Variants in CDH4 observed in about 807,000 individuals in gnomAD.
The protein encoded by CDH4 is cadherin-4.
A neutral mutation model predicts 86.0 loss-of-function variants in CDH4; 33 were observed. The ratio of observed to expected loss-of-function variants is 0.38; its 90% CI spans 0.29 to 0.51. The LOEUF is 0.51. CDH4 is among the 20% of genes least tolerant of loss of function. The pLI, the probability that CDH4 is intolerant of heterozygous loss-of-function variation, is 0.86. For synonymous variants in CDH4, 555 were observed against 549.4 expected, an observed-to-expected ratio of 1.01 and a Z score of -0.14; for missense variants, 1,114 against 1,307.4, an observed-to-expected ratio of 0.85 and a Z score of 2.28.
In CDH4 at chr20:61,447,472, C is replaced by T. The variant is rs73318362; in HGVS notation, c.169+192535C>T. Among the ~76,000 whole-genome samples, 444 of 152,048 alleles carry T rather than the reference C, an allele frequency of 2.9e-3. 4 individuals carry two copies. The highest frequency in any genetic ancestry group is 1.0e-2 in the African/African-American group (413 of 41,472). On this transcript the variant is annotated intron_variant, in intron 2 of 15. Coordinates refer to ENST00000614565, the MANE Select transcript of CDH4 (RefSeq NM_001794.5). ...TACAGGCATGAGCCAGTGTGCCCGA[C>T]CTATTCATGGTGTTTTCGATATAAA...
At position 61,750,167 on chromosome 20, in the gene CDH4, G is replaced by A. The variant is rs139816942; in HGVS notation, c.396+6378G>A. ...AAGAAAGAAATTGTTAAAACAGGAG[G>A]AGAAAACAATGAAACAGAAAACAAT... On this transcript the variant is annotated intron_variant, in intron 3 of 15. Transcript: ENST00000614565. Among the ~76,000 whole-genome samples, 370 of 152,244 alleles carry A rather than the reference G, an allele frequency of 2.4e-3. 1 individual carries two copies. Among genetic ancestry groups the A allele is most frequent in the Admixed American group, 4.6e-3 (71 of 15,282 alleles).
chr20:61,803,774 A>G (rs1979967169), intron 4 of CDH4, among the ~76,000 whole-genome samples: 1 of 152,248 alleles, frequency 6.6e-6, no homozygotes, highest in Non-Finnish European at 1.5e-5. Flanking sequence ...TGTCAGTGAA[A>G]GTCATTTGTA....
At chr20:61,753,400 G>T (rs144385000) in intron 3 of CDH4, among the ~76,000 whole-genome samples, 2 of 152,086 alleles carry the variant, frequency 1.3e-5, no homozygotes, top group Non-Finnish European at 2.9e-5. Context: ...TTCTTTTGTC[G>T]CCCTCTCTTA....
At chr20:61,314,178 T>C (rs1042752982) in intron 2 of CDH4, among the ~76,000 whole-genome samples, 2 of 152,210 alleles carry the variant, frequency 1.3e-5, no homozygotes, top group Non-Finnish European at 2.9e-5. Context: ...AACCATACAG[T>C]GTTGCTACCC....
chr20:61,755,876 A>G (rs1568797691), intron 3 of CDH4, among the ~76,000 whole-genome samples: 1 of 152,140 alleles, frequency 6.6e-6, no homozygotes. Context: ...GCACACTCAC[A>G]CTGATACCAA....
rs1983818691 is a variant in CDH4 at position 61,871,910 on chromosome 20, G to A, written c.878-1818G>A. On this transcript the variant is annotated intron_variant, in intron 6 of 15. Transcript: ENST00000614565. ...ATTTTGCATTCAGTAGAAGCTGAAAGCTGAAGCAAACTCCTAGTCAGACAC... is the reference window on the plus strand; with the variant it reads ...ATTTTGCATTCAGTAGAAGCTGAAAACTGAAGCAAACTCCTAGTCAGACAC... 3.3e-5 allele frequency among the ~76,000 whole-genome samples: 5 copies of A among 152,230 alleles called. 1 individual carries two copies. In the South Asian group the frequency reaches 1.0e-3, roughly 31 times the overall value.
At chr20:61,273,945 A>C (rs970695817) in intron 2 of CDH4, among the ~76,000 whole-genome samples, 1 of 142,554 alleles carries the variant, frequency 7.0e-6, no homozygotes, top group African/African-American at 2.7e-5. Flanking sequence ...TATTGTGTGC[A>C]GTTTGGGGGA....
At chr20:61,286,438 G>A (rs764301778) in intron 2 of CDH4, among the ~76,000 whole-genome samples, 1 of 152,236 alleles carries the variant, frequency 6.6e-6, no homozygotes, top group Non-Finnish European at 1.5e-5. Context: ...CCCAGCCACC[G>A]CAGCTTCTGC....
intron 2 of CDH4, among the ~76,000 whole-genome samples, chr20:61,344,927 G>A (rs1223355185): frequency 5.3e-5 from 8 of 152,150 alleles, no homozygotes; most frequent in Non-Finnish European, 1.0e-4. Context: ...GTTCTGCGCC[G>A]GCTATTGACC....
At position 61,772,984 on chromosome 20, in the gene CDH4, C is replaced by T. The variant is rs990299181; in HGVS notation, c.397-19C>T. ...CTAACTGGACTTCTCTGCCTCTTCT[C>T]TCCCCTTTCCAAATAAAGCCGCAGA... On this transcript the variant is annotated intron_variant, in intron 3 of 15. Transcript: ENST00000614565. 2 of 1,600,748 alleles carry T rather than the reference C, an allele frequency of 1.2e-6. No individual in the cohort carries two copies. Among genetic ancestry groups the T allele is most frequent in the African/African-American group, 1.3e-5 (1 of 74,634 alleles).
chr20:61,858,961 GC>G (rs1247095993), intron 6 of CDH4, among the ~76,000 whole-genome samples: 1 of 152,170 alleles, frequency 6.6e-6, no homozygotes, highest in Non-Finnish European at 1.5e-5. Context: ...TCGGGAGCAG[GC>G]GTTTGTTTTG....
At position 61,932,988 on chromosome 20, in the gene CDH4, T is replaced by C. The variant is rs1485680550; in HGVS notation, c.2243T>C (p.Met748Thr). Residue 748 changes from methionine (M) to threonine (T), a missense_variant, in exon 14 of 16, where the codon ATG becomes ACG. By Grantham distance (81) the Met-to-Thr change is moderately conservative. Transcript: ENST00000614565. ...ILICILILLT[M>T]VLLFVMWMKR... Reference sequence around the variant, plus strand: ...CACGGGCAGCCCTCCCCCACAGCCATGGTCCTGCTGTTTGTCATGTGGATG... The same window carrying C: ...CACGGGCAGCCCTCCCCCACAGCCACGGTCCTGCTGTTTGTCATGTGGATG... 4 of 1,612,296 alleles carry C rather than the reference T, an allele frequency of 2.5e-6. No homozygotes were observed. In the Admixed American group the frequency reaches 5.0e-5, roughly 20 times the overall value.
At chr20:61,379,036 G>T (rs376472302) in intron 2 of CDH4, among the ~76,000 whole-genome samples, 2 of 152,176 alleles carry the variant, frequency 1.3e-5, no homozygotes, top group South Asian at 4.1e-4. Context: ...TGAGCCCAAG[G>T]TTTCTGTTTT....
At chr20:61,774,746 G>C (rs541206918) in intron 4 of CDH4, among the ~76,000 whole-genome samples, 5 of 152,150 alleles carry the variant, frequency 3.3e-5, no homozygotes, top group African/African-American at 9.6e-5. Flanking sequence ...TCATCATTCA[G>C]CTCCCACTTA....
At chr20:61,285,233 G>C (rs573986831) in intron 2 of CDH4, among the ~76,000 whole-genome samples, 3 of 152,378 alleles carry the variant, frequency 2.0e-5, no homozygotes, top group African/African-American at 7.2e-5. Flanking sequence ...AAACAGACCA[G>C]AAAGCCCGTG....
chr20:61,675,161 A>G (rs925663110), intron 2 of CDH4, among the ~76,000 whole-genome samples: 1 of 152,246 alleles, frequency 6.6e-6, no homozygotes, highest in Non-Finnish European at 1.5e-5. Context: ...CAGCTGGTAG[A>G]TGTGGCATGA....
chr20:61,321,028 G>A (rs1195888291), intron 2 of CDH4, among the ~76,000 whole-genome samples: 2 of 152,044 alleles, frequency 1.3e-5, no homozygotes, highest in Admixed American at 6.5e-5. Flanking sequence ...TTAAACCCCC[G>A]GGTCCTTCCC....
chr20:61,414,809 T>C (rs2085137909), intron 2 of CDH4, among the ~76,000 whole-genome samples: 1 of 152,202 alleles, frequency 6.6e-6, no homozygotes, highest in Non-Finnish European at 1.5e-5. Flanking sequence ...CCGAGAGCTG[T>C]GTCCCTTGCA....
chr20:61,560,006 A>G (rs1568892754), intron 2 of CDH4, among the ~76,000 whole-genome samples: 1 of 152,136 alleles, frequency 6.6e-6, no homozygotes, highest in Non-Finnish European at 1.5e-5. Flanking sequence ...TCGACATCCA[A>G]CTTATTCTGC....
Sources: gnomAD v4.1 joint callset for allele counts (sites outside exome capture counted in the v4.1 genomes callset) on GRCh38, gnomAD v4.1.1 for gene constraint, MANE v1.5 for transcripts, NCBI Gene and HGNC (gene_info 2026-07-23, HGNC 2026-07-21) for gene names.